The following ZNF385D variants were observed in gnomAD, a reference collection of about 807,000 sequenced individuals.
ZNF385D encodes zinc finger protein 385D, also known as zinc finger protein 659.
Under a neutral mutation model 35.8 loss-of-function variants are expected in ZNF385D, and 15 were observed. That is an observed-to-expected ratio of 0.42 (90% CI 0.28 to 0.64). The LOEUF is 0.64. Ranked by LOEUF, ZNF385D falls within the 30% of genes least tolerant of loss-of-function variation. The pLI is 0.23. For missense variants in ZNF385D, 474 were observed against 494.6 expected (o/e 0.96, Z 0.39); for synonymous variants, 212 against 186.8 (o/e 1.13, Z -1.10).
At position 22,261,353 on chromosome 3, in the gene ZNF385D, A is replaced by G. The variant is rs559847451; in HGVS notation, c.107-92318T>C. Among the ~76,000 whole-genome samples, 62 of 152,192 alleles carry G rather than the reference A, an allele frequency of 4.1e-4. 2 individuals carry two copies. The South Asian group carries it at 0.012, about 29-fold the overall frequency. On this transcript the variant is annotated intron_variant, in intron 2 of 5. Coordinates refer to the ZNF385D transcript ENST00000494108. ...AAATAATTTAAGTTATGGTTTTACA[A>G]TCTAATGCATTGTGTGGCATTAGGA...
intron 3 of ZNF385D, among the ~76,000 whole-genome samples, chr3:22,153,465 T>C (rs930240778): frequency 1.6e-4 from 3 of 18,726 alleles, no homozygotes; most frequent in East Asian, 5.3e-4. Context: ...GAAATTCTTC[T>C]TTTTTTTTTT....
chr3:22,015,614 T>C (rs760890847), intron 3 of ZNF385D, among the ~76,000 whole-genome samples: 60 of 152,254 alleles, frequency 3.9e-4, no homozygotes, highest in Middle Eastern at 6.8e-3. Flanking sequence ...TGAATTCTCA[T>C]GTGTGAGTGA....
chr3:22,073,427 T>C (rs181830720), intron 3 of ZNF385D, among the ~76,000 whole-genome samples: 1 of 152,020 alleles, frequency 6.6e-6, no homozygotes, highest in African/African-American at 2.4e-5. Context: ...TATTGCTTTA[T>C]TCCTTAGGGG....
chr3:21,421,169 TG>T lies in ZNF385D; in HGVS notation c.*44del, dbSNP rs1247689786. 2.0e-5 allele frequency: 31 copies of T among 1,525,496 alleles called. No individual in the cohort carries two copies. The East Asian group carries it at 4.1e-4, about 20-fold the overall frequency. The allele number at this position is 1,525,496 out of a possible 1,614,324, so 94.5% of individuals were successfully genotyped here. ...GTTCTCTTTTGTTTGTTTTGTTTTT[TG>T]TTTTTTGAAAAATTATTGCAGTACA... On this transcript the variant is annotated 3_prime_UTR_variant, in exon 8 of 8. Coordinates refer to ENST00000281523, the MANE Select transcript of ZNF385D (RefSeq NM_024697.3).
chr3:22,147,804 G>A (rs529884946), intron 3 of ZNF385D, among the ~76,000 whole-genome samples: 1 of 152,026 alleles, frequency 6.6e-6, no homozygotes, highest in Non-Finnish European at 1.5e-5. Context: ...ATTTTGCATT[G>A]GCCACAGATT....
At chr3:21,588,951 G>A (rs1167663910) in intron 2 of ZNF385D, among the ~76,000 whole-genome samples, 1 of 152,108 alleles carries the variant, frequency 6.6e-6, no homozygotes, top group Admixed American at 6.6e-5. Flanking sequence ...CATTTATTAT[G>A]TGCTAGGCAT....
At chr3:22,082,861 G>A (rs147247727) in intron 3 of ZNF385D, among the ~76,000 whole-genome samples, 415 of 152,308 alleles carry the variant, frequency 2.7e-3, no homozygotes, top group South Asian at 5.8e-3. Flanking sequence ...CCAGAAGAAG[G>A]ATCAGGCAGC....
At chr3:21,734,732 A>G (rs1313969660) in intron 1 of ZNF385D, among the ~76,000 whole-genome samples, 1 of 152,148 alleles carries the variant, frequency 6.6e-6, no homozygotes, top group Non-Finnish European at 1.5e-5. Flanking sequence ...TTTGGACCCC[A>G]CGTGTCAGGA....
At chr3:21,721,150 T>C (rs1157818638) in intron 1 of ZNF385D, among the ~76,000 whole-genome samples, 2 of 152,144 alleles carry the variant, frequency 1.3e-5, no homozygotes, top group Non-Finnish European at 2.9e-5. Context: ...CATAATGACT[T>C]TGCCCCCTCC....
intron 3 of ZNF385D, among the ~76,000 whole-genome samples, chr3:22,099,222 CA>C (rs1701795871): frequency 6.6e-6 from 1 of 152,018 alleles, no homozygotes; most frequent in Non-Finnish European, 1.5e-5. Flanking sequence ...AGATAGTATG[CA>C]CAGTATTAAG....
At chr3:21,885,728 G>GTGTCTC (rs1698505433) in intron 3 of ZNF385D, among the ~76,000 whole-genome samples, 1 of 95,124 alleles carries the variant, frequency 1.1e-5, no homozygotes, top group Admixed American at 1.2e-4. Flanking sequence ...ATAGAACAGG[G>GTGTCTC]TGTGTCTGTG....
At chr3:21,725,426 A>G (rs1158640223) in intron 1 of ZNF385D, among the ~76,000 whole-genome samples, 1 of 152,202 alleles carries the variant, frequency 6.6e-6, no homozygotes, top group Non-Finnish European at 1.5e-5. Context: ...CAAAATAGAT[A>G]GACCGCTAGC....
intron 4 of ZNF385D, among the ~76,000 whole-genome samples, chr3:21,488,346 G>GAC (rs4045132): frequency 2.0e-4 from 30 of 150,728 alleles, no homozygotes; most frequent in Admixed American, 2.7e-4. Flanking sequence ...CAGACACACA[G>GAC]ACACACACAC....
At chr3:21,783,125 C>T (rs534798074) in intron 3 of ZNF385D, among the ~76,000 whole-genome samples, 2 of 152,080 alleles carry the variant, frequency 1.3e-5, no homozygotes, top group Non-Finnish European at 2.9e-5. Flanking sequence ...GAGGCTAATA[C>T]AATATTTCTT....
chr3:21,607,481 C>T (rs573230670), intron 2 of ZNF385D, among the ~76,000 whole-genome samples: 2 of 150,042 alleles, frequency 1.3e-5, no homozygotes, highest in Non-Finnish European at 2.9e-5. Flanking sequence ...ACTGCTCTAT[C>T]ATTATCATTA....
chr3:21,624,926 C>G (rs2065095897), intron 2 of ZNF385D, among the ~76,000 whole-genome samples: 1 of 151,920 alleles, frequency 6.6e-6, no homozygotes, highest in African/African-American at 2.4e-5. Context: ...ACCTTCATTC[C>G]CAGTCACATA....
At chr3:22,192,049 A>T (rs1696077708) in intron 2 of ZNF385D, among the ~76,000 whole-genome samples, 1 of 152,146 alleles carries the variant, frequency 6.6e-6, no homozygotes, top group South Asian at 2.1e-4. Context: ...TCCATCATTC[A>T]TCTCTTTCTC....
At chr3:21,861,916 C>A (rs755454003) in intron 3 of ZNF385D, among the ~76,000 whole-genome samples, 4 of 152,068 alleles carry the variant, frequency 2.6e-5, no homozygotes, top group Non-Finnish European at 4.4e-5. Context: ...AGCAGCTATA[C>A]AAAAATGAAG....
chr3:21,647,361 C>T (rs1168807426), intron 2 of ZNF385D, among the ~76,000 whole-genome samples: 1 of 150,876 alleles, frequency 6.6e-6, no homozygotes, highest in East Asian at 2.0e-4. Context: ...TCCCTCCCTC[C>T]CCCTCTCCCT....
Sources: gnomAD v4.1 joint callset for allele counts (sites outside exome capture counted in the v4.1 genomes callset) on GRCh38, gnomAD v4.1.1 for gene constraint, MANE v1.5 for transcripts, NCBI Gene and HGNC (gene_info 2026-07-23, HGNC 2026-07-21) for gene names.